The following GPHN variants were observed in gnomAD, a reference collection of about 807,000 sequenced individuals.
GPHN encodes gephyrin.
GPHN carries 17 observed loss-of-function variants against 95.5 expected under a neutral mutation model. The ratio of observed to expected loss-of-function variants is 0.18; its 90% CI spans 0.12 to 0.27. GPHN has a LOEUF of 0.27. Ranked by LOEUF, GPHN falls within the 10% of genes least tolerant of loss-of-function variation. GPHN has a pLI of 1.00. For synonymous variants in GPHN, 320 were observed against 322.5 expected (o/e 0.99, Z 0.08); for missense variants, 660 against 978.1 (o/e 0.67, Z 4.34).
chr14:66,996,152 T>C (rs2071775626), intron 9 of GPHN: 4 of 1,514,612 alleles, frequency 2.6e-6, no homozygotes, highest in African/African-American at 1.4e-5. Flanking sequence ...TTAACAGTGT[T>C]TTCTTTTCCC....
the GPHN span, chr14:67,570,064 CCT>C: frequency 8.2e-7 from 1 of 1,219,800 alleles, no homozygotes; most frequent in East Asian, 2.5e-5. Context: ...AGGCCCCTGG[CCT>C]CATCATCCAA....
At chr14:66,530,953 ATTTTTTTTT>A (rs569763873) in intron 1 of GPHN, among the ~76,000 whole-genome samples, 1 of 121,184 alleles carries the variant, frequency 8.3e-6, no homozygotes, top group Non-Finnish European at 1.7e-5. Context: ...TGTTTGTTAG[ATTTTTTTTT>A]TTTTTTTTTT....
the GPHN span, chr14:67,589,664 G>C: frequency 3.0e-6 from 3 of 990,162 alleles, no homozygotes; most frequent in East Asian, 3.3e-4. Context: ...TGAAGGGCTT[G>C]TTTTTTTCGT....
chr14:67,045,356 C>T (rs143147580), intron 10 of GPHN, among the ~76,000 whole-genome samples: 1,574 of 152,204 alleles, frequency 0.01, 49 homozygotes, highest in Admixed American at 0.054. Context: ...AGGCCTAAGA[C>T]GCTCTCTGTC....
At position 67,024,848 on chromosome 14, in the gene GPHN, T is replaced by G. The variant is rs1473659675; in HGVS notation, c.1006+1173T>G. On this transcript the variant is annotated intron_variant, in intron 10 of 22. Transcript: ENST00000478722. ...TTTCACAATAAAAAAATAGAGACCT[T>G]CACAAAGGTAAAAATTCATGGGGTT... is the stretch of plus-strand genomic sequence containing the variant. Among the ~76,000 whole-genome samples, 3 of 152,182 alleles carry G rather than the reference T, an allele frequency of 2.0e-5. No individual in the cohort carries two copies. In the East Asian group the frequency reaches 5.8e-4, roughly 29 times the overall value.
chr14:67,518,116 G>A, the GPHN span, among the ~76,000 whole-genome samples: 4 of 152,302 alleles, frequency 2.6e-5, no homozygotes, highest in Admixed American at 2.6e-4. Context: ...TCAAGTACAG[G>A]GTGAAGGTGA....
the GPHN span, among the ~76,000 whole-genome samples, chr14:67,310,075 A>T: frequency 2.7e-5 from 4 of 148,334 alleles, no homozygotes; most frequent in African/African-American, 7.4e-5. Flanking sequence ...TTTTTTTTTT[A>T]AAGAAAACAT....
chr14:66,585,159 T>G (rs2061367990), intron 1 of GPHN, among the ~76,000 whole-genome samples: 1 of 152,206 alleles, frequency 6.6e-6, no homozygotes, highest in Non-Finnish European at 1.5e-5. Flanking sequence ...CTTCTAGATT[T>G]TCTAGTTTAT....
At chr14:66,749,106 G>A (rs1403458901) in intron 2 of GPHN, among the ~76,000 whole-genome samples, 1 of 151,888 alleles carries the variant, frequency 6.6e-6, no homozygotes, top group Non-Finnish European at 1.5e-5. Flanking sequence ...GATTCTTATA[G>A]TGTGTGTCCT....
At chr14:67,412,045 C>A in the GPHN span, 1 of 1,556,040 alleles carries the variant, frequency 6.4e-7, no homozygotes, top group Non-Finnish European at 8.7e-7. Flanking sequence ...CCTCCTTGAG[C>A]ACGCCGTCCT....
At chr14:67,662,359 A>T in the GPHN span, 1 of 955,460 alleles carries the variant, frequency 1.0e-6, no homozygotes, top group Non-Finnish European at 1.6e-6. Flanking sequence ...ATTTAGTAAG[A>T]AATAGTCAAA....
At chr14:67,716,183 T>C in the GPHN span, among the ~76,000 whole-genome samples, 2 of 143,450 alleles carry the variant, frequency 1.4e-5, no homozygotes, top group African/African-American at 2.6e-5. Flanking sequence ...GACGACAGAG[T>C]GAGACTCCGT....
intron 3 of GPHN, among the ~76,000 whole-genome samples, chr14:66,777,998 A>G (rs1463222733): frequency 2.6e-5 from 4 of 152,166 alleles, no homozygotes; most frequent in Non-Finnish European, 5.9e-5. Flanking sequence ...AGAAGGAAAT[A>G]AAGGGTATTC....
At chr14:67,174,078 AT>A (rs1460024841) in intron 21 of GPHN, among the ~76,000 whole-genome samples, 1 of 152,108 alleles carries the variant, frequency 6.6e-6, no homozygotes, top group Non-Finnish European at 1.5e-5. Context: ...AAGTCAACAA[AT>A]TTTTTTATTA....
chr14:66,706,562 A>G (rs764672305), intron 2 of GPHN, among the ~76,000 whole-genome samples: 2 of 152,194 alleles, frequency 1.3e-5, no homozygotes, highest in Non-Finnish European at 2.9e-5. Context: ...AGCAATGGGG[A>G]AAGGACTCCC....
intron 17 of GPHN, among the ~76,000 whole-genome samples, chr14:67,126,564 G>T (rs1250258190): frequency 6.6e-6 from 1 of 152,198 alleles, no homozygotes; most frequent in Non-Finnish European, 1.5e-5. Context: ...TCAGGTAGAA[G>T]GATAAGACAG....
chr14:67,404,315 C>G, the GPHN span, among the ~76,000 whole-genome samples: 6 of 152,022 alleles, frequency 3.9e-5, no homozygotes, highest in African/African-American at 1.4e-4. Flanking sequence ...CACTTTTACT[C>G]ATATTACTTC....
At chr14:67,143,219 C>G (rs1303487775) in intron 17 of GPHN, 143 bp from the exon 18 acceptor site, 1 of 697,024 alleles carries the variant, frequency 1.4e-6, no homozygotes, top group East Asian at 2.6e-5. Flanking sequence ...GGCAGAGACC[C>G]TTTTGATTCC....
chr14:67,252,160 G>A, the GPHN span, among the ~76,000 whole-genome samples: 1 of 151,792 alleles, frequency 6.6e-6, no homozygotes, highest in Admixed American at 6.6e-5. Flanking sequence ...TGAGTTCTGG[G>A]GCCATTCAAG....
Sources: allele counts gnomAD v4.1 joint callset (sites outside exome capture counted in the v4.1 genomes callset), GRCh38; gene constraint gnomAD v4.1.1; transcripts MANE v1.5; gene names NCBI Gene and HGNC (gene_info 2026-07-23, HGNC 2026-07-21).